KCNIP4: variants seen among roughly 807,000 people sequenced by gnomAD.
The protein encoded by KCNIP4 is Kv channel-interacting protein 4.
In KCNIP4, 12 loss-of-function variants were observed where a neutral mutation model predicts 34.0. The ratio of observed to expected loss-of-function variants is 0.35; its 90% confidence interval spans 0.23 to 0.57. KCNIP4 has a LOEUF of 0.57. KCNIP4 is among the 20% of genes least tolerant of loss of function. The pLI, the probability that KCNIP4 is intolerant of heterozygous loss-of-function variation, is 0.83. For synonymous variants in KCNIP4, 124 were observed against 102.2 expected (o/e 1.21, Z -1.29); for missense variants, 238 against 311.7 (o/e 0.76, Z 1.78).
At chr4:20,866,430 A>G (rs922642877) in intron 2 of KCNIP4, among the ~76,000 whole-genome samples, 4 of 152,110 alleles carry the variant, frequency 2.6e-5, no homozygotes, top group African/African-American at 9.7e-5. Context: ...CTATAGACAC[A>G]GAAAAAGCTT....
At chr4:21,342,673 AC>A (rs1716875296) in intron 1 of KCNIP4, among the ~76,000 whole-genome samples, 1 of 151,984 alleles carries the variant, frequency 6.6e-6, no homozygotes. Context: ...AAATGTATTC[AC>A]CCCTTATTCT....
intron 1 of KCNIP4, among the ~76,000 whole-genome samples, chr4:21,813,104 G>A (rs778100568): frequency 6.6e-6 from 1 of 152,048 alleles, no homozygotes; most frequent in Non-Finnish European, 1.5e-5. Context: ...GATACTCCTG[G>A]AATACTGAAA....
At chr4:20,830,734 G>C (rs1463955318) in intron 3 of KCNIP4, among the ~76,000 whole-genome samples, 2 of 152,118 alleles carry the variant, frequency 1.3e-5, no homozygotes, top group Non-Finnish European at 2.9e-5. Context: ...GCTTCTTGAG[G>C]GAAAGAATCA....
intron 1 of KCNIP4, among the ~76,000 whole-genome samples, chr4:21,761,236 G>C (rs540277353): frequency 1.8e-4 from 28 of 152,076 alleles, no homozygotes; most frequent in African/African-American, 6.7e-4. Context: ...CAAGTAGCTG[G>C]TACTACAAGA....
intron 1 of KCNIP4, among the ~76,000 whole-genome samples, chr4:20,999,574 G>C (rs1285410263): frequency 6.6e-6 from 1 of 151,816 alleles, no homozygotes; most frequent in Non-Finnish European, 1.5e-5. Flanking sequence ...GGGTTTGGGG[G>C]AAGAGGGTGG....
intron 1 of KCNIP4, among the ~76,000 whole-genome samples, chr4:21,418,652 A>AAG (rs1426365348): frequency 2.0e-5 from 3 of 152,168 alleles, no homozygotes; most frequent in African/African-American, 7.2e-5. Context: ...GGAGGGAAGA[A>AAG]AGAAGGTCTT....
chr4:21,769,532 G>T (rs895625952), intron 1 of KCNIP4, among the ~76,000 whole-genome samples: 2 of 152,020 alleles, frequency 1.3e-5, no homozygotes, highest in Non-Finnish European at 2.9e-5. Flanking sequence ...CTTGTTCTTA[G>T]AATTATTCAT....
intron 1 of KCNIP4, among the ~76,000 whole-genome samples, chr4:21,340,548 T>C (rs1250687918): frequency 1.3e-5 from 2 of 152,136 alleles, no homozygotes; most frequent in African/African-American, 4.8e-5. Flanking sequence ...AAGGCTGTGG[T>C]ATAACTGCCA....
chr4:21,475,469 C>T (rs532570266), intron 1 of KCNIP4, among the ~76,000 whole-genome samples: 1 of 152,316 alleles, frequency 6.6e-6, no homozygotes, highest in African/African-American at 2.4e-5. Flanking sequence ...ACCCTCCACT[C>T]ACCGACTTTT....
chr4:21,388,898 C>A (rs1722279561), intron 1 of KCNIP4, among the ~76,000 whole-genome samples: 1 of 151,742 alleles, frequency 6.6e-6, no homozygotes, highest in South Asian at 2.1e-4. Flanking sequence ...ACTTGATAGA[C>A]ATTTGGGTTG....
intron 1 of KCNIP4, among the ~76,000 whole-genome samples, chr4:21,132,216 T>A (rs1425392067): frequency 6.6e-6 from 1 of 152,238 alleles, no homozygotes; most frequent in Non-Finnish European, 1.5e-5. Context: ...ACCAGCCATA[T>A]AAGAACAGCC....
rs529912331 is a variant in KCNIP4 at position 21,717,600 on chromosome 4, C to T, written c.61+230971G>A. On this transcript the variant is annotated intron_variant, in intron 1 of 8. Coordinates refer to ENST00000382152, the MANE Select transcript of KCNIP4 (RefSeq NM_025221.6). ...ATGACCACCTATATTCAAATGGTAG[C>T]CTAGGACTGGAGCAAAGAGCAAACA... Among the ~76,000 whole-genome samples the T allele has an allele frequency of 8.5e-5, 13 of 152,212 alleles. No homozygotes were observed. In the South Asian group the frequency reaches 2.7e-3, roughly 32 times the overall value.
At chr4:20,899,404 G>T (rs1011214550) in intron 1 of KCNIP4, among the ~76,000 whole-genome samples, 1 of 152,164 alleles carries the variant, frequency 6.6e-6, no homozygotes, top group Admixed American at 6.5e-5. Flanking sequence ...ATTAGAAACT[G>T]AGCCAGGAAA....
chr4:20,732,836 C>T (rs1428296300), intron 6 of KCNIP4, 51 bp from the exon 7 acceptor site: 7 of 1,108,142 alleles, frequency 6.3e-6, no homozygotes, highest in Non-Finnish European at 9.4e-6. Flanking sequence ...ATGAAGAAAC[C>T]AGTCTAAGAA....
At chr4:20,853,832 A>C (rs1721292371) in intron 2 of KCNIP4, among the ~76,000 whole-genome samples, 1 of 152,228 alleles carries the variant, frequency 6.6e-6, no homozygotes, top group Admixed American at 6.5e-5. Context: ...AAAGTAAGCT[A>C]AAGACATGAA....
intron 1 of KCNIP4, among the ~76,000 whole-genome samples, chr4:21,787,065 T>A (rs367568458): frequency 1.3e-5 from 2 of 152,260 alleles, no homozygotes; most frequent in African/African-American, 4.8e-5. Flanking sequence ...TGCTCCAAGA[T>A]TTAAACCTTT....
chr4:21,619,753 C>G (rs567880628), intron 1 of KCNIP4, among the ~76,000 whole-genome samples: 5 of 152,318 alleles, frequency 3.3e-5, no homozygotes, highest in African/African-American at 1.2e-4. Flanking sequence ...GCTGGTATGA[C>G]GGATACTAAA....
chr4:21,267,186 T>C (rs2322880), intron 1 of KCNIP4, among the ~76,000 whole-genome samples: 84,160 of 152,026 alleles, frequency 0.55, 26,132 homozygotes, highest in African/African-American at 0.85. Flanking sequence ...TTAAAATTTG[T>C]CCAGCTAGAA....
At chr4:21,877,194 A>C (rs1311732106) in intron 1 of KCNIP4, among the ~76,000 whole-genome samples, 5 of 152,082 alleles carry the variant, frequency 3.3e-5, no homozygotes, top group Non-Finnish European at 7.4e-5. Flanking sequence ...CTCTACTGAA[A>C]ATACAAAAAT....
Sources: gnomAD v4.1 joint callset for allele counts (sites outside exome capture counted in the v4.1 genomes callset) on GRCh38, gnomAD v4.1.1 for gene constraint, MANE v1.5 for transcripts, NCBI Gene and HGNC (gene_info 2026-07-23, HGNC 2026-07-21) for gene names.